LCOR: variants seen among roughly 807,000 people sequenced by gnomAD.
LCOR encodes the protein ligand-dependent corepressor.
Under a neutral mutation model 64.4 loss-of-function variants are expected in LCOR, and 14 were observed. That is an observed-to-expected ratio of 0.22 (90% CI 0.14 to 0.34). The LOEUF (loss-of-function observed/expected upper bound fraction) is 0.34, where lower values mean the gene tolerates loss of function less well. LCOR is among the 10% of genes least tolerant of loss of function. LCOR has a pLI of 1.00. For synonymous variants in LCOR, 643 were observed against 642.5 expected (o/e 1.00, Z -0.01); for missense variants, 1,686 against 1,765.3 (o/e 0.96, Z 0.80).
intron 2 of LCOR, among the ~76,000 whole-genome samples, chr10:96,881,902 T>A (rs929811569): frequency 6.6e-6 from 1 of 152,248 alleles, no homozygotes; most frequent in African/African-American, 2.4e-5. Flanking sequence ...GATAATTCAC[T>A]ATTTCTCTTA....
chr10:96,846,593 A>G (rs1845633923), intron 2 of LCOR, among the ~76,000 whole-genome samples: 1 of 152,194 alleles, frequency 6.6e-6, no homozygotes, highest in African/African-American at 2.4e-5. Flanking sequence ...AATAAAGCAA[A>G]CAGGTATGAG....
At chr10:96,856,209 T>G (rs765324396) in intron 2 of LCOR, among the ~76,000 whole-genome samples, 1 of 152,116 alleles carries the variant, frequency 6.6e-6, no homozygotes, top group African/African-American at 2.4e-5. Context: ...TAGCTGGGAT[T>G]ACAGGCATGC....
intron 4 of LCOR, among the ~76,000 whole-genome samples, chr10:96,926,794 G>A (rs747105670): frequency 2.0e-5 from 3 of 152,004 alleles, no homozygotes; most frequent in Non-Finnish European, 4.4e-5. Flanking sequence ...AAAATACATA[G>A]TTTTTTTATG....
At chr10:96,856,937 G>A (rs575854507) in intron 2 of LCOR, among the ~76,000 whole-genome samples, 1 of 151,994 alleles carries the variant, frequency 6.6e-6, no homozygotes, top group East Asian at 1.9e-4. Flanking sequence ...TACTAGAAAG[G>A]AATAGTAGGG....
intron 4 of LCOR, among the ~76,000 whole-genome samples, chr10:96,943,079 C>T (rs936197548): frequency 7.0e-6 from 1 of 143,160 alleles, no homozygotes; most frequent in Non-Finnish European, 1.5e-5. Flanking sequence ...ACTTTTTGGT[C>T]AGAGAAACTT....
In LCOR at chr10:96,990,111, G is replaced by A. The variant is rs1589353482; in HGVS notation, c.*4977G>A. 1 of 151,922 alleles carries A rather than the reference G, an allele frequency of 6.6e-6. No individual in the cohort carries two copies. Among genetic ancestry groups the A allele is most frequent in the East Asian group, 1.9e-4 (1 of 5,168 alleles). The allele number at this position is 151,922 out of a possible 1,614,324, so 9.4% of individuals were successfully genotyped here. A position where few individuals can be genotyped will look rare whatever the true frequency, so the allele number is the denominator to read the frequency against. On this transcript the variant is annotated 3_prime_UTR_variant, in exon 8 of 8. Transcript: ENST00000421806. The stretch of plus-strand genomic sequence containing the variant: ...TGCTTGCTCTCAAATCCTTTTCAGG[G>A]GAAAAATAAAAAGATTATTGTATTT...
At chr10:96,838,406 G>A (rs183326471) in intron 2 of LCOR, among the ~76,000 whole-genome samples, 87 of 152,172 alleles carry the variant, frequency 5.7e-4, no homozygotes, top group Non-Finnish European at 8.8e-4. Context: ...ACAGGTGTGC[G>A]CCACCACACC....
chr10:96,845,556 C>T (rs1435316335), intron 2 of LCOR, among the ~76,000 whole-genome samples: 1 of 146,414 alleles, frequency 6.8e-6, no homozygotes, highest in Non-Finnish European at 1.5e-5. Context: ...AGGCTCTGCC[C>T]CCCGGGGTTC....
At chr10:96,833,511 C>T (rs1356534925) in intron 2 of LCOR, 32 bp downstream of exon 2, 9 of 908,986 alleles carry the variant, frequency 9.9e-6, no homozygotes, top group Middle Eastern at 5.6e-4. Flanking sequence ...TCCGCTCCGC[C>T]CGCCGCCCCC....
chr10:96,833,127 G>T, intron 1 of LCOR: 5 of 985,506 alleles, frequency 5.1e-6, no homozygotes, highest in Non-Finnish European at 6.0e-6. Flanking sequence ...CGGTGTGTGC[G>T]TATTTGTGTT....
chr10:96,880,585 A>AT (rs1413563628), intron 2 of LCOR, among the ~76,000 whole-genome samples: 7 of 152,120 alleles, frequency 4.6e-5, no homozygotes, highest in Non-Finnish European at 1.0e-4. Context: ...TGTAGTAGAG[A>AT]TGGGGTTTTG....
chr10:96,982,835 G>A lies in LCOR; in HGVS notation c.2375G>A (p.Ser792Asn), dbSNP rs1438872962. The change falls in exon 8 of 8, where the codon AGC becomes AAC. Residue 792 changes from serine to asparagine, a missense_variant. Coordinates refer to ENST00000421806, the MANE Select transcript of LCOR (RefSeq NM_001346516.2). ...CLSEKDTYDTSIDSLEENLDK... is the reference protein window; with the variant it reads ...CLSEKDTYDTNIDSLEENLDK... ...TCAGAAAAAGACACGTATGATACAA[G>A]CATTGACTCACTCGAAGAGAATTTG... 1 of 1,614,140 alleles carries A rather than the reference G, an allele frequency of 6.2e-7. No individual in the cohort carries two copies. Among genetic ancestry groups the A allele is most frequent in the Admixed American group, 1.7e-5 (1 of 60,018 alleles).
intron 2 of LCOR, among the ~76,000 whole-genome samples, chr10:96,847,127 C>A (rs542436714): frequency 4.6e-4 from 70 of 152,044 alleles, no homozygotes; most frequent in Admixed American, 2.5e-3. Flanking sequence ...CCTGTTGGTC[C>A]CAGCTACCTG....
intron 2 of LCOR, among the ~76,000 whole-genome samples, chr10:96,845,503 G>T (rs1265414845): frequency 1.8e-5 from 2 of 110,904 alleles, no homozygotes; most frequent in African/African-American, 3.5e-5. Context: ...GAGTCTCGCT[G>T]TCGCCCAGGT....
At chr10:96,869,503 T>A (rs1449996865) in intron 2 of LCOR, among the ~76,000 whole-genome samples, 4 of 151,390 alleles carry the variant, frequency 2.6e-5, no homozygotes, top group Non-Finnish European at 5.9e-5. Context: ...GTATGAGCCA[T>A]CGTACCTGGC....
At chr10:96,932,045 T>C (rs1847270628) in intron 4 of LCOR, among the ~76,000 whole-genome samples, 1 of 152,220 alleles carries the variant, frequency 6.6e-6, no homozygotes, top group Non-Finnish European at 1.5e-5. Context: ...GTCTTTGATC[T>C]TTCTTTATAA....
intron 2 of LCOR, among the ~76,000 whole-genome samples, chr10:96,837,225 C>T (rs926567934): frequency 4.6e-5 from 7 of 152,082 alleles, no homozygotes; most frequent in Non-Finnish European, 1.0e-4. Context: ...CTGCTGACCT[C>T]GTGATCTGCC....
chr10:96,908,360 A>T (rs990569355), intron 4 of LCOR, among the ~76,000 whole-genome samples: 1 of 152,208 alleles, frequency 6.6e-6, no homozygotes, highest in Non-Finnish European at 1.5e-5. Flanking sequence ...GTGTTTATTT[A>T]AAAAATGAAA....
chr10:96,901,308 C>T lies in LCOR; in HGVS notation c.-329-5957C>T, dbSNP rs1564620072. On this transcript the variant is annotated intron_variant, in intron 2 of 7. Transcript: ENST00000421806. ...AACTGGGACTGCAGGTGTGTGTCAC[C>T]ACATACCATTCCCAGCTCTCCATAC... is the stretch of plus-strand genomic sequence containing the variant. 2.0e-5 allele frequency among the ~76,000 whole-genome samples: 3 copies of T among 152,302 alleles called. No individual in the cohort carries two copies. The East Asian group carries it at 5.8e-4, about 29-fold the overall frequency.
Sources: allele counts gnomAD v4.1 joint callset (sites outside exome capture counted in the v4.1 genomes callset), GRCh38; gene constraint gnomAD v4.1.1; transcripts MANE v1.5; gene names NCBI Gene and HGNC (gene_info 2026-07-23, HGNC 2026-07-21).